Variants in CCDC3 observed in about 807,000 individuals in gnomAD.
CCDC3 encodes the protein coiled-coil domain containing 3.
In CCDC3, 24 loss-of-function variants were observed where a neutral mutation model predicts 21.4. That is an observed-to-expected ratio of 1.12 (90% confidence interval 0.81 to 1.58). The LOEUF is 1.58. CCDC3 is among the 40% of genes most tolerant of loss of function. The pLI is 0.00. For missense variants in CCDC3, 425 were observed against 360.9 expected, an observed-to-expected ratio of 1.18 and a Z score of -1.44; for synonymous variants, 186 against 166.0, an observed-to-expected ratio of 1.12 and a Z score of -0.93.
At chr10:13,074,811 A>G (rs1438404296) in intron 3 of CCDC3, among the ~76,000 whole-genome samples, 1 of 152,154 alleles carries the variant, frequency 6.6e-6, no homozygotes, top group Non-Finnish European at 1.5e-5. Context: ...CCACAATATT[A>G]CCACATTCCA....
chr10:13,004,880 A>G (rs115815634), upstream of CCDC3, among the ~76,000 whole-genome samples: 1,146 of 152,162 alleles, frequency 7.5e-3, 13 homozygotes, highest in African/African-American at 0.026. Flanking sequence ...CCACCTAATC[A>G]CTAAGAACTT....
At chr10:13,065,370 C>A (rs1211831388) in intron 4 of CCDC3, among the ~76,000 whole-genome samples, 1 of 152,038 alleles carries the variant, frequency 6.6e-6, no homozygotes, top group Non-Finnish European at 1.5e-5. Flanking sequence ...TACTATTGAT[C>A]AACTTATTAG....
intron 2 of CCDC3, among the ~76,000 whole-genome samples, chr10:12,971,601 GC>G (rs1835345074): frequency 6.6e-6 from 1 of 152,076 alleles, no homozygotes; most frequent in African/African-American, 2.4e-5. Flanking sequence ...CTGCTCTCCC[GC>G]CCGTGTTGTA....
chr10:12,924,910 T>G (rs530237389), intron 2 of CCDC3: 1 of 152,266 alleles, frequency 6.6e-6, no homozygotes, highest in South Asian at 2.1e-4. Context: ...GAAAATAAAG[T>G]GCGAGTAGTT....
intron 5 of CCDC3, among the ~76,000 whole-genome samples, chr10:13,023,924 A>C (rs1426414773): frequency 5.3e-5 from 8 of 152,186 alleles, no homozygotes; most frequent in African/African-American, 1.9e-4. Context: ...TGCAATAGAC[A>C]TTCCTACTCA....
chr10:12,996,527 G>T (rs144360420), intron 2 of CCDC3, among the ~76,000 whole-genome samples: 528 of 152,200 alleles, frequency 3.5e-3, no homozygotes, highest in African/African-American at 0.012. Context: ...GTAGAGACAG[G>T]GTTTCGCCAT....
At chr10:13,044,134 T>G (rs1191520910) in intron 5 of CCDC3, among the ~76,000 whole-genome samples, 1 of 152,218 alleles carries the variant, frequency 6.6e-6, no homozygotes, top group Non-Finnish European at 1.5e-5. Context: ...TTTCATATGT[T>G]TGTTGGCCAT....
chr10:12,951,397 C>T lies in CCDC3; in HGVS notation c.549+46941G>A, dbSNP rs2028375. On this transcript the variant is annotated intron_variant, in intron 2 of 2. Coordinates refer to ENST00000378825, the MANE Select transcript of CCDC3 (RefSeq NM_031455.4). ...CATTTAAGGAATGTTTGACCTAATGCGATGGCTCCTAATCTACAGGGCATG... is the reference window on the plus strand; with the variant it reads ...CATTTAAGGAATGTTTGACCTAATGTGATGGCTCCTAATCTACAGGGCATG... Among the ~76,000 whole-genome samples, 433 of 152,202 alleles carry T rather than the reference C, an allele frequency of 2.8e-3. 3 individuals are homozygous for T. The highest frequency in any genetic ancestry group is 1.0e-2 in the African/African-American group (414 of 41,528).
chr10:13,081,832 G>A (rs903090546), intron 3 of CCDC3, among the ~76,000 whole-genome samples: 3 of 152,328 alleles, frequency 2.0e-5, no homozygotes, highest in African/African-American at 4.8e-5. Context: ...CAATCGTTAC[G>A]CTTGTGTGCG....
intron 3 of CCDC3, among the ~76,000 whole-genome samples, chr10:13,093,123 T>A (rs118122887): frequency 0.12 from 17,634 of 151,644 alleles, 1,152 homozygotes; most frequent in East Asian, 0.24. Flanking sequence ...TAGTCTGTTT[T>A]CATGCTGCTG....
chr10:12,956,441 T>C (rs1199816373), intron 2 of CCDC3, among the ~76,000 whole-genome samples: 1 of 152,200 alleles, frequency 6.6e-6, no homozygotes, highest in Non-Finnish European at 1.5e-5. Context: ...TAATGGCTGC[T>C]CCCTGCTCCC....
At chr10:13,040,090 CA>C (rs1836431527) in intron 5 of CCDC3, among the ~76,000 whole-genome samples, 2 of 151,994 alleles carry the variant, frequency 1.3e-5, no homozygotes, top group Admixed American at 1.3e-4. Flanking sequence ...AGCCCAGTCA[CA>C]AAGGCATTAA....
At chr10:13,050,825 AAC>A (rs1300762830) in intron 4 of CCDC3, among the ~76,000 whole-genome samples, 2 of 152,064 alleles carry the variant, frequency 1.3e-5, no homozygotes, top group Non-Finnish European at 2.9e-5. Context: ...GTCTCACTGT[AAC>A]CCAGGCTGGA....
chr10:13,027,720 T>TAAAAAAAAAAAA (rs5783300), intron 5 of CCDC3, among the ~76,000 whole-genome samples: 1 of 144,136 alleles, frequency 6.9e-6, no homozygotes, highest in Non-Finnish European at 1.5e-5. Flanking sequence ...CAAAAAAAAT[T>TAAAAAAAAAAAA]AAAAAAAAAA....
At chr10:12,963,231 A>T (rs1043295690) in intron 2 of CCDC3, among the ~76,000 whole-genome samples, 4 of 152,190 alleles carry the variant, frequency 2.6e-5, no homozygotes, top group Non-Finnish European at 4.4e-5. Flanking sequence ...CTATGACCAA[A>T]CATAGGCCAA....
intron 3 of CCDC3, among the ~76,000 whole-genome samples, chr10:13,083,753 C>G (rs968520852): frequency 1.3e-5 from 2 of 152,196 alleles, no homozygotes; most frequent in Non-Finnish European, 2.9e-5. Context: ...AAATTGTCAG[C>G]CAATTGGGTT....
At chr10:13,043,791 T>C (rs1032755462) in intron 5 of CCDC3, among the ~76,000 whole-genome samples, 3 of 152,200 alleles carry the variant, frequency 2.0e-5, no homozygotes, top group Non-Finnish European at 4.4e-5. Context: ...GTCTTTGCTA[T>C]TGTCAATATT....
chr10:12,983,589 A>G (rs1564308693), intron 2 of CCDC3, among the ~76,000 whole-genome samples: 1 of 151,872 alleles, frequency 6.6e-6, no homozygotes, highest in Non-Finnish European at 1.5e-5. Context: ...AAAAAAAACA[A>G]AAGAAAACAA....
intron 3 of CCDC3, among the ~76,000 whole-genome samples, chr10:13,086,700 C>G (rs1837112034): frequency 6.6e-6 from 1 of 152,214 alleles, no homozygotes; most frequent in Non-Finnish European, 1.5e-5. Context: ...CCTGCCTCAG[C>G]CTCCCAAAGT....
Sources: allele counts gnomAD v4.1 joint callset (sites outside exome capture counted in the v4.1 genomes callset), GRCh38; gene constraint gnomAD v4.1.1; transcripts MANE v1.5; gene names NCBI Gene and HGNC (gene_info 2026-07-23, HGNC 2026-07-21).